Variants in PAK3 observed in about 807,000 individuals in gnomAD.
PAK3 encodes serine/threonine-protein kinase PAK 3.
PAK3 carries 4 observed loss-of-function variants against 41.0 expected under a neutral mutation model. The ratio of observed to expected loss-of-function variants is 0.10; its 90% CI spans 0.05 to 0.22. The LOEUF (loss-of-function observed/expected upper bound fraction) is 0.22, where lower values mean the gene tolerates loss of function less well. Ranked by LOEUF, PAK3 falls within the 10% of genes least tolerant of loss-of-function variation. The pLI, the probability that PAK3 is intolerant of heterozygous loss-of-function variation, is 1.00. For missense variants in PAK3, 205 were observed against 409.9 expected (o/e 0.50, Z 4.32); for synonymous variants, 146 against 139.6 (o/e 1.05, Z -0.32).
At chrX:111,196,320 G>A (rs1254094134) in intron 15 of PAK3, 124 bp from the exon 16 acceptor site, 3 of 562,000 alleles carry the variant, frequency 5.3e-6, no homozygotes, top group South Asian at 5.2e-5. Flanking sequence ...TAACAAAAAG[G>A]TATGAGCTAG....
chrX:111,146,398 A>G (rs781161300), intron 6 of PAK3: 18 of 496,248 alleles, frequency 3.6e-5, no homozygotes, highest in Non-Finnish European at 5.9e-5. Flanking sequence ...TATTTTCATA[A>G]CTGCCCCACT....
intron 10 of PAK3, among the ~76,000 whole-genome samples, chrX:111,167,751 C>T (rs1227181439): frequency 9.1e-6 from 1 of 109,786 alleles, no homozygotes; most frequent in Admixed American, 9.8e-5. Flanking sequence ...GGAGGGATAG[C>T]ATTAGGAGAA....
chrX:111,159,264 G>A (rs2094142265), intron 8 of PAK3, among the ~76,000 whole-genome samples: 2 of 111,183 alleles, frequency 1.8e-5, no homozygotes, highest in African/African-American at 6.5e-5. Flanking sequence ...TTCTTTAAAT[G>A]CTAAACATAA....
intron 5 of PAK3, among the ~76,000 whole-genome samples, chrX:111,132,202 G>A (rs1314448995): frequency 9.0e-6 from 1 of 110,610 alleles, no homozygotes. Flanking sequence ...AGGATCATTT[G>A]TTAGGGAAAT....
intron 1 of PAK3, among the ~76,000 whole-genome samples, chrX:111,025,694 A>G (rs939845742): frequency 9.0e-6 from 1 of 111,190 alleles, no homozygotes; most frequent in Non-Finnish European, 1.9e-5. Flanking sequence ...ACGGATTCAC[A>G]GGTGAATTCT....
intron 3 of PAK3, among the ~76,000 whole-genome samples, chrX:111,099,278 G>T (rs944161736): frequency 8.9e-6 from 1 of 112,000 alleles, no homozygotes; most frequent in Non-Finnish European, 1.9e-5. Flanking sequence ...CTAACCGGGG[G>T]TTTAATTGGA....
At chrX:111,104,767 A>G (rs1175733619) in intron 4 of PAK3, among the ~76,000 whole-genome samples, 7 of 110,559 alleles carry the variant, frequency 6.3e-5, no homozygotes, top group Non-Finnish European at 1.3e-4. Flanking sequence ...TTTTTTTCTA[A>G]TAGTTATTGC....
At chrX:111,180,697 T>C (rs1229342258) in intron 11 of PAK3, among the ~76,000 whole-genome samples, 1 of 111,734 alleles carries the variant, frequency 8.9e-6, no homozygotes, top group Non-Finnish European at 1.9e-5. Flanking sequence ...TCTCCTTTTT[T>C]ATTGTGTTTC....
At chrX:111,018,767 G>C (rs1042231879) in intron 1 of PAK3, among the ~76,000 whole-genome samples, 1 of 111,505 alleles carries the variant, frequency 9.0e-6, no homozygotes, top group Admixed American at 9.5e-5. Flanking sequence ...GGAATCTCAA[G>C]GGACCCCAGA....
intron 1 of PAK3, among the ~76,000 whole-genome samples, chrX:111,015,083 C>A (rs1323497846): frequency 9.0e-6 from 1 of 110,652 alleles, no homozygotes; most frequent in East Asian, 2.9e-4. Context: ...ACTAGTTATA[C>A]TAGCAAGTGT....
chrX:111,103,116 G>A, intron 3 of PAK3, 43 bp from the exon 4 acceptor site: 1 of 111,295 alleles, frequency 9.0e-6, no homozygotes, highest in Non-Finnish European at 1.9e-5. Flanking sequence ...AGTAGCAGGT[G>A]GGGAAAGAGG....
chrX:111,138,172 G>A (rs1400758862), intron 5 of PAK3, among the ~76,000 whole-genome samples: 1 of 108,831 alleles, frequency 9.2e-6, no homozygotes, highest in Non-Finnish European at 1.9e-5. Flanking sequence ...TGTAACCCTG[G>A]GTATATGATT....
At chrX:111,005,660 T>C (rs6655134) in intron 1 of PAK3, among the ~76,000 whole-genome samples, 4,860 of 111,168 alleles carry the variant, frequency 0.044, 239 homozygotes, top group African/African-American at 0.14. Flanking sequence ...ATTTGGCCCT[T>C]ATGGTAAGTG....
intron 8 of PAK3, among the ~76,000 whole-genome samples, chrX:111,153,356 T>TAA (rs759081289): frequency 8.9e-6 from 1 of 112,112 alleles, no homozygotes; most frequent in South Asian, 3.7e-4. Context: ...GTCACATAGA[T>TAA]AATTTTTATC....
chrX:111,191,145 C>A (rs2094557072), intron 11 of PAK3, among the ~76,000 whole-genome samples: 4 of 112,076 alleles, frequency 3.6e-5, no homozygotes, highest in Non-Finnish European at 7.5e-5. Context: ...AGACACCAGG[C>A]TGGAGTGCAG....
At chrX:111,050,587 T>C (rs985011837) in intron 1 of PAK3, among the ~76,000 whole-genome samples, 1 of 112,196 alleles carries the variant, frequency 8.9e-6, no homozygotes, top group African/African-American at 3.2e-5. Flanking sequence ...CTTGCCAAGA[T>C]GAAGGAGCTC....
At chrX:111,171,494 C>T (rs2094340605) in intron 10 of PAK3, among the ~76,000 whole-genome samples, 1 of 111,328 alleles carries the variant, frequency 9.0e-6, no homozygotes, top group East Asian at 2.8e-4. Flanking sequence ...GAGTCAATGC[C>T]ACTTCTGTGG....
chrX:111,156,825 T>A (rs1248022071), intron 8 of PAK3, among the ~76,000 whole-genome samples: 1 of 112,285 alleles, frequency 8.9e-6, no homozygotes, highest in Non-Finnish European at 1.9e-5. Flanking sequence ...TATTAGTGTA[T>A]TCAATTTCAA....
intron 1 of PAK3, among the ~76,000 whole-genome samples, chrX:111,077,323 G>A (rs2092794335): frequency 8.9e-6 from 1 of 111,883 alleles, no homozygotes; most frequent in African/African-American, 3.3e-5. Context: ...ATATTTGTGT[G>A]GAGACACAAA....
Sources: gnomAD v4.1 joint callset for allele counts (sites outside exome capture counted in the v4.1 genomes callset) on GRCh38, gnomAD v4.1.1 for gene constraint, MANE v1.5 for transcripts, NCBI Gene and HGNC (gene_info 2026-07-23, HGNC 2026-07-21) for gene names.